THOC1: variants seen among roughly 807,000 people sequenced by gnomAD.
The protein encoded by THOC1 is THO complex 1.
A neutral mutation model predicts 97.3 loss-of-function variants in THOC1; 29 were observed. The ratio of observed to expected loss-of-function variants is 0.30; its 90% CI spans 0.22 to 0.41. The LOEUF (loss-of-function observed/expected upper bound fraction) is 0.41. THOC1 is among the 10% of genes least tolerant of loss of function. The pLI, the probability that THOC1 is intolerant of heterozygous loss-of-function variation, is 1.00. For synonymous variants in THOC1, 255 were observed against 257.0 expected, an observed-to-expected ratio of 0.99 and a Z score of 0.07; for missense variants, 529 against 761.9, an observed-to-expected ratio of 0.69 and a Z score of 3.60.
At chr18:258,799 C>T (rs919692477) in intron 7 of THOC1, among the ~76,000 whole-genome samples, 1 of 151,836 alleles carries the variant, frequency 6.6e-6, no homozygotes, top group Admixed American at 6.6e-5. Flanking sequence ...TTATATTTCA[C>T]AATAAAAATT....
chr18:233,094 T>C (rs1368902512), intron 11 of THOC1, among the ~76,000 whole-genome samples: 1 of 152,230 alleles, frequency 6.6e-6, no homozygotes, highest in Non-Finnish European at 1.5e-5. Context: ...CCCTCACAAT[T>C]TGTGCTTTTT....
intron 9 of THOC1, 29 bp from the exon 10 acceptor site, chr18:247,986 A>G: frequency 2.3e-6 from 3 of 1,299,872 alleles, no homozygotes; most frequent in Non-Finnish European, 3.2e-6. Context: ...TATTAAATAA[A>G]TCATTCAAAT....
intron 5 of THOC1, 32 bp downstream of exon 5, chr18:260,154 A>G: frequency 7.3e-7 from 1 of 1,367,472 alleles, no homozygotes; most frequent in Non-Finnish European, 9.9e-7. Context: ...TAGAAAGATA[A>G]AGTTAGCAGG....
intron 5 of THOC1, 91 bp from the exon 6 acceptor site, chr18:259,821 T>A: frequency 1.2e-6 from 1 of 867,226 alleles, no homozygotes; most frequent in Non-Finnish European, 1.8e-6. Flanking sequence ...TAAAGAACAC[T>A]AACATGCACT....
chr18:246,724 C>T (rs1468379761), intron 10 of THOC1, among the ~76,000 whole-genome samples: 1 of 151,946 alleles, frequency 6.6e-6, no homozygotes, highest in African/African-American at 2.4e-5. Flanking sequence ...CGCCTGTAAT[C>T]CCAGCACTTC....
intron 17 of THOC1, among the ~76,000 whole-genome samples, chr18:220,361 TATTTC>T (rs1911035897): frequency 6.6e-6 from 1 of 152,226 alleles, no homozygotes. Flanking sequence ...GTATATTTCC[TATTTC>T]ATTTAAAAAA....
chr18:256,479 T>C lies in THOC1; in HGVS notation c.521-2124A>G, dbSNP rs565641827. ...AAGATATGACAGAATTGCTGCAATC[T>C]CATGATTGGACTTGAAACAGATGAG... On this transcript the variant is annotated intron_variant, in intron 7 of 20. Transcript: ENST00000261600. 2.2e-4 allele frequency among the ~76,000 whole-genome samples: 33 copies of C among 152,320 alleles called. No homozygotes were observed. In the South Asian group the frequency reaches 6.6e-3, roughly 31 times the overall value.
chr18:241,644 T>C (rs2143232710), intron 11 of THOC1, among the ~76,000 whole-genome samples: 1 of 152,340 alleles, frequency 6.6e-6, no homozygotes, highest in South Asian at 2.1e-4. Flanking sequence ...CTAAAGCCTA[T>C]ATCTAATTAG....
At position 215,495 on chromosome 18, in the gene THOC1, CAGA is replaced by C; in HGVS notation, c.1609_1611del (p.Ser537del). On this transcript the variant is annotated inframe_deletion, in exon 20 of 21. Coordinates refer to ENST00000261600, the MANE Select transcript of THOC1 (RefSeq NM_005131.3). Reference sequence around the variant, plus strand: ...TCATCCTCACCTGTTTTTATTTCTTCAGAAGGAGGCTAAAAATGAGAAAGAAGA... The same window carrying C: ...TCATCCTCACCTGTTTTTATTTCTTCAGGAGGCTAAAAATGAGAAAGAAGA... 6.2e-7 allele frequency: 1 copy of C among 1,612,500 alleles called. No homozygotes were observed. Among genetic ancestry groups the C allele is most frequent in the Non-Finnish European group, 8.5e-7 (1 of 1,178,718 alleles).
At chr18:230,826 CAG>C (rs1911459872) in intron 11 of THOC1, among the ~76,000 whole-genome samples, 2 of 152,364 alleles carry the variant, frequency 1.3e-5, no homozygotes, top group East Asian at 1.9e-4. Context: ...GCCTTGAACT[CAG>C]GGGCTCAACC....
Position 241,482 on chromosome 18 carries a change from T to C in THOC1, c.918+4842A>G, listed in dbSNP as rs140591981. 3.5e-3 allele frequency among the ~76,000 whole-genome samples: 540 copies of C among 152,312 alleles called. 1 individual carries two copies. The highest frequency in any genetic ancestry group is 0.012 in the African/African-American group (503 of 41,576). ...ATTTTCTTTTCTCCATGAAAATGAA[T>C]GGCCTAATGACCACACTAGGGTCAA... On this transcript the variant is annotated intron_variant, in intron 11 of 20. Transcript: ENST00000261600.
intron 8 of THOC1, among the ~76,000 whole-genome samples, chr18:253,757 T>A (rs1912351209): frequency 6.6e-6 from 1 of 152,208 alleles, no homozygotes; most frequent in African/African-American, 2.4e-5. Context: ...TAATCTACCA[T>A]GGTCTACCTT....
At chr18:216,366 T>C (rs1342984184) in intron 19 of THOC1, 120 bp downstream of exon 19, 1 of 1,083,882 alleles carries the variant, frequency 9.2e-7, no homozygotes, top group Non-Finnish European at 1.3e-6. Context: ...TTCTAAAACA[T>C]GGGAGCTTGT....
chr18:221,277 GTC>G (rs1264363471), intron 17 of THOC1, among the ~76,000 whole-genome samples: 1 of 152,054 alleles, frequency 6.6e-6, no homozygotes, highest in African/African-American at 2.4e-5. Context: ...AGAAAGGTCT[GTC>G]AAAATCCTAC....
At chr18:218,719 T>A (rs1236526147) in intron 18 of THOC1, among the ~76,000 whole-genome samples, 167 bp downstream of exon 18, 1 of 152,106 alleles carries the variant, frequency 6.6e-6, no homozygotes, top group Admixed American at 6.5e-5. Flanking sequence ...GAATAATCCT[T>A]GAAATCAGGA....
At chr18:239,895 G>A (rs1032971790) in intron 11 of THOC1, among the ~76,000 whole-genome samples, 1 of 151,980 alleles carries the variant, frequency 6.6e-6, no homozygotes, top group African/African-American at 2.4e-5. Flanking sequence ...TTATAACCAG[G>A]TAATAATTTT....
Position 242,470 on chromosome 18 carries a change from C to T in THOC1, c.918+3854G>A, listed in dbSNP as rs1281973468. On this transcript the variant is annotated intron_variant, in intron 11 of 20. Coordinates refer to ENST00000261600, the MANE Select transcript of THOC1 (RefSeq NM_005131.3). This position sits in a 1 kb window ranked among gnomAD's most constrained non-coding sequence, Gnocchi z 4.5. ...AAAAAAAAAAAAAGTTTGTATCATC[C>T]TTGCCAAGCATTGTTTCCGGACTAT... Among the ~76,000 whole-genome samples the T allele has an allele frequency of 6.6e-6, 1 of 151,870 alleles. No homozygotes were observed. Among genetic ancestry groups the T allele is most frequent in the Non-Finnish European group, 1.5e-5 (1 of 68,004 alleles).
At chr18:221,508 A>G (rs1046309980) in intron 17 of THOC1, among the ~76,000 whole-genome samples, 15 of 151,666 alleles carry the variant, frequency 9.9e-5, no homozygotes, top group African/African-American at 3.6e-4. Context: ...CAATATAACT[A>G]TGCCTTTTAA....
intron 11 of THOC1, 55 bp downstream of exon 11, chr18:246,269 G>T: frequency 7.6e-7 from 1 of 1,318,564 alleles, no homozygotes; most frequent in Non-Finnish European, 1.0e-6. Flanking sequence ...TCAGCTAAAC[G>T]GAAATAAAAC....
Sources: allele counts gnomAD v4.1 joint callset (sites outside exome capture counted in the v4.1 genomes callset), GRCh38; gene constraint gnomAD v4.1.1; non-coding constraint Gnocchi (gnomAD v3.1); transcripts MANE v1.5; gene names NCBI Gene and HGNC (gene_info 2026-07-23, HGNC 2026-07-21).